Variants in PFDN1 observed in about 807,000 individuals in gnomAD.
PFDN1 encodes prefoldin 1.
A neutral mutation model predicts 17.3 loss-of-function variants in PFDN1; 6 were observed. The observed-to-expected ratio is 0.35, with a 90% CI of 0.19 to 0.69. PFDN1 has a LOEUF of 0.69. PFDN1 is among the 30% of genes least tolerant of loss of function. The pLI, the probability that PFDN1 is intolerant of heterozygous loss-of-function variation, is 0.65. For synonymous variants in PFDN1, 58 were observed against 50.1 expected, an observed-to-expected ratio of 1.16 and a Z score of -0.67; for missense variants, 113 against 146.2, an observed-to-expected ratio of 0.77 and a Z score of 1.17.
At chr5:140,260,585 G>A (rs1233651469) in intron 3 of PFDN1, among the ~76,000 whole-genome samples, 1 of 149,522 alleles carries the variant, frequency 6.7e-6, no homozygotes, top group Non-Finnish European at 1.5e-5. Context: ...AAAGAAGCCA[G>A]ACACAGAAAG....
Position 140,254,524 on chromosome 5 carries a change from C to T in PFDN1, c.286-8467G>A, listed in dbSNP as rs993489778. On this transcript the variant is annotated intron_variant, in intron 3 of 3. Transcript: ENST00000261813. This position sits in a 1 kb window ranked among gnomAD's most constrained non-coding sequence, Gnocchi z 4.4. ...GCACTATCCGTCATCATCAGTGGCT[C>T]CCTGTCTCCCTCTCCACCACAGCTG... is the stretch of plus-strand genomic sequence containing the variant. Among the ~76,000 whole-genome samples the T allele has an allele frequency of 9.2e-5, 14 of 152,116 alleles. No individual in the cohort carries two copies. The East Asian group carries it at 2.7e-3, about 29-fold the overall frequency.
intron 2 of PFDN1, among the ~76,000 whole-genome samples, chr5:140,290,283 G>C (rs1034154826): frequency 2.0e-5 from 3 of 152,090 alleles, no homozygotes; most frequent in African/African-American, 4.8e-5. Flanking sequence ...AATATAAGTG[G>C]GAGACCATTA....
At chr5:140,278,140 G>A (rs1020503378) in intron 3 of PFDN1, among the ~76,000 whole-genome samples, 39 of 151,604 alleles carry the variant, frequency 2.6e-4, no homozygotes, top group African/African-American at 8.0e-4. Flanking sequence ...CCCAGAAGGC[G>A]GAGGCTGCAG....
At chr5:140,260,352 C>T (rs1042908195) in intron 3 of PFDN1, among the ~76,000 whole-genome samples, 1 of 148,876 alleles carries the variant, frequency 6.7e-6, no homozygotes, top group Non-Finnish European at 1.5e-5. Flanking sequence ...ACCATATGAG[C>T]CAGCTAATCC....
chr5:140,263,720 C>T (rs1765096262), intron 3 of PFDN1, among the ~76,000 whole-genome samples: 1 of 151,962 alleles, frequency 6.6e-6, no homozygotes, highest in African/African-American at 2.4e-5. Context: ...CCTCAGGAGG[C>T]TTACAATCAT....
intron 3 of PFDN1, among the ~76,000 whole-genome samples, chr5:140,271,955 T>G (rs376260450): frequency 1.3e-5 from 2 of 148,586 alleles, no homozygotes; most frequent in South Asian, 2.1e-4. Context: ...ATATACATAA[T>G]ATATATATTT....
At chr5:140,260,819 A>T (rs989480991) in intron 3 of PFDN1, among the ~76,000 whole-genome samples, 16 of 151,526 alleles carry the variant, frequency 1.1e-4, no homozygotes, top group African/African-American at 3.4e-4. Flanking sequence ...CACTTTAAAA[A>T]ATATATATAT....
At chr5:140,291,285 G>T (rs1277106625) in intron 2 of PFDN1, among the ~76,000 whole-genome samples, 1 of 152,188 alleles carries the variant, frequency 6.6e-6, no homozygotes, top group Admixed American at 6.5e-5. Flanking sequence ...CAGGGTGGTG[G>T]TAAGTAGAAG....
chr5:140,298,607 T>C (rs1384307981), intron 2 of PFDN1, among the ~76,000 whole-genome samples: 2 of 152,144 alleles, frequency 1.3e-5, no homozygotes, highest in Non-Finnish European at 1.5e-5. Flanking sequence ...ACAAGGGCAA[T>C]ATGCTTTTAA....
At chr5:140,296,482 C>A (rs1215528007) in intron 2 of PFDN1, among the ~76,000 whole-genome samples, 1 of 152,032 alleles carries the variant, frequency 6.6e-6, no homozygotes. Flanking sequence ...CTACTATCGC[C>A]AAGGAAAGAG....
rs780956920 is a variant in PFDN1, at chr5:140,303,049, G to A, written c.25C>T (p.Leu9=). The A allele has an allele frequency of 2.5e-6, 4 of 1,611,900 alleles. No individual in the cohort carries two copies. The highest frequency in any genetic ancestry group is 2.2e-5 in the East Asian group (1 of 44,882). MAAPVDLE[L]KKAFTELQAK... is the part of the protein sequence containing the mutation. ...CAAAGACCCTCTTTTACCTTCTTCAGCTCTAGATCCACGGGGGCGGCCATC... is the reference window on the plus strand; with the variant it reads ...CAAAGACCCTCTTTTACCTTCTTCAACTCTAGATCCACGGGGGCGGCCATC... The change falls in exon 1 of 4, where the codon CTG becomes TTG. Residue 9 remains leucine, a synonymous_variant. Coordinates refer to ENST00000261813, the MANE Select transcript of PFDN1 (RefSeq NM_002622.5).
intron 2 of PFDN1, among the ~76,000 whole-genome samples, chr5:140,294,232 T>C (rs1765620937): frequency 6.6e-6 from 1 of 152,066 alleles, no homozygotes. Flanking sequence ...ATATCCAAAT[T>C]TGATTCTGCT....
chr5:140,266,397 C>A (rs111406017), intron 3 of PFDN1, among the ~76,000 whole-genome samples: 16 of 152,316 alleles, frequency 1.1e-4, no homozygotes, highest in African/African-American at 3.4e-4. Context: ...TCAAAGCCTG[C>A]AATGTCTAAC....
At chr5:140,282,134 C>G (rs1561510983) in intron 2 of PFDN1, 4 of 149,992 alleles carry the variant, frequency 2.7e-5, no homozygotes, top group Non-Finnish European at 5.9e-5. Flanking sequence ...CTGTAGTGAG[C>G]CATGATTGTG....
chr5:140,298,089 G>A (rs551586012), intron 2 of PFDN1, among the ~76,000 whole-genome samples: 4 of 152,150 alleles, frequency 2.6e-5, no homozygotes, highest in East Asian at 3.9e-4. Flanking sequence ...TTGTGTCCCA[G>A]TAACAAACTC....
At position 140,245,801 on chromosome 5, in the gene PFDN1, AC is replaced by A. The variant is rs772679561; in HGVS notation, c.*172del. 1.3e-5 allele frequency: 8 copies of A among 615,280 alleles called. No individual in the cohort carries two copies. Among genetic ancestry groups the A allele is most frequent in the East Asian group, 2.7e-5 (1 of 36,562 alleles). The allele number at this position is 615,280 out of a possible 1,614,324, so 38.1% of individuals were successfully genotyped here. ...AGGTGGCAGGCAAAGCCGGGTAAAA[AC>A]TCCAGGGCTGGGAAGCAAATGGGGC... is the stretch of plus-strand genomic sequence containing the variant. On this transcript the variant is annotated 3_prime_UTR_variant, in exon 4 of 4. Transcript: ENST00000261813.
At chr5:140,274,856 T>C (rs186844581) in intron 3 of PFDN1, among the ~76,000 whole-genome samples, 1 of 151,678 alleles carries the variant, frequency 6.6e-6, no homozygotes, top group East Asian at 1.9e-4. Context: ...ATACAAAAAT[T>C]AGCCCAGGCA....
intron 2 of PFDN1, among the ~76,000 whole-genome samples, chr5:140,298,198 A>T (rs1359005114): frequency 6.6e-6 from 1 of 152,174 alleles, no homozygotes. Flanking sequence ...AAAGCAAATC[A>T]GATGAACAAT....
In PFDN1 at chr5:140,253,418, C is replaced by T. The variant is rs187402041; in HGVS notation, c.286-7361G>A. Reference sequence around the variant, plus strand: ...TCAAGCACTTTACAGCAGATATACACGAGGGGAAAAAATTCTTCTTCAAAC... The same window carrying T: ...TCAAGCACTTTACAGCAGATATACATGAGGGGAAAAAATTCTTCTTCAAAC... On this transcript the variant is annotated intron_variant, in intron 3 of 3. Coordinates refer to ENST00000261813, the MANE Select transcript of PFDN1 (RefSeq NM_002622.5). Among the ~76,000 whole-genome samples the T allele has an allele frequency of 1.4e-4, 21 of 152,238 alleles. No individual in the cohort carries two copies. The South Asian group carries it at 3.7e-3, about 27-fold the overall frequency.
Sources: allele counts gnomAD v4.1 joint callset (sites outside exome capture counted in the v4.1 genomes callset), GRCh38; gene constraint gnomAD v4.1.1; non-coding constraint Gnocchi (gnomAD v3.1); transcripts MANE v1.5; gene names NCBI Gene and HGNC (gene_info 2026-07-23, HGNC 2026-07-21).